Variants in NFIA observed in about 807,000 individuals in gnomAD.
NFIA encodes the protein nuclear factor 1 A-type.
NFIA carries 8 observed loss-of-function variants against 62.8 expected under a neutral mutation model. The observed-to-expected ratio is 0.13, with a 90% confidence interval of 0.07 to 0.23. The LOEUF is 0.23. Ranked by LOEUF, NFIA falls within the 10% of genes least tolerant of loss-of-function variation. NFIA has a pLI of 1.00. For synonymous variants in NFIA, 235 were observed against 238.1 expected (o/e 0.99, Z 0.12); for missense variants, 410 against 642.1 (o/e 0.64, Z 3.91).
upstream of NFIA, among the ~76,000 whole-genome samples, chr1:61,079,656 A>G (rs1378580813): frequency 6.6e-6 from 1 of 152,194 alleles, no homozygotes; most frequent in African/African-American, 2.4e-5. Flanking sequence ...ATATGATTGC[A>G]GTGAACTAGT....
rs1384899481 is a variant in NFIA at position 61,082,788 on chromosome 1, A to G, written c.-4A>G. 3.3e-6 allele frequency: 5 copies of G among 1,530,782 alleles called. 1 individual carries two copies. In the South Asian group the frequency reaches 6.0e-5, roughly 18 times the overall value. 94.8% of individuals were successfully genotyped at this position (1,530,782 alleles called of 1,614,324 possible). On this transcript the variant is annotated 5_prime_UTR_variant, in exon 1 of 11. Transcript: ENST00000403491. ...GCACACGCATACCCCAGCGCCCGGC[A>G]GTTATGTATTCTCCGCTCTGTCTCA...
intron 3 of NFIA, among the ~76,000 whole-genome samples, chr1:61,309,745 T>C (rs1409553509): frequency 6.6e-6 from 1 of 151,988 alleles, no homozygotes; most frequent in Non-Finnish European, 1.5e-5. Context: ...AAAAATTAGC[T>C]GGGTGTGGTG....
In NFIA at chr1:61,212,146, A is replaced by G. The variant is rs569192630; in HGVS notation, c.560-65374A>G. ...GTGATAGCATAGGGGCCTGCTTTTA[A>G]AAGAGGGATAAGCAAGCAAGGAACT... On this transcript the variant is annotated intron_variant, in intron 2 of 10. Coordinates refer to ENST00000403491, the MANE Select transcript of NFIA (RefSeq NM_001134673.4). Among the ~76,000 whole-genome samples, 70 of 152,232 alleles carry G rather than the reference A, an allele frequency of 4.6e-4. 1 individual carries two copies. The South Asian group carries it at 0.013, about 29-fold the overall frequency.
At chr1:61,145,239 TA>T (rs1449672990) in intron 2 of NFIA, among the ~76,000 whole-genome samples, 1 of 152,196 alleles carries the variant, frequency 6.6e-6, no homozygotes, top group Non-Finnish European at 1.5e-5. Flanking sequence ...AACACGAAGC[TA>T]ACATACTGCC....
At chr1:61,399,517 T>G (rs1326034408) in intron 7 of NFIA, among the ~76,000 whole-genome samples, 1 of 152,040 alleles carries the variant, frequency 6.6e-6, no homozygotes. Flanking sequence ...ATAAAACAAT[T>G]AAGGCAATGT....
At chr1:61,294,380 T>C (rs1336024430) in intron 3 of NFIA, among the ~76,000 whole-genome samples, 3 of 152,218 alleles carry the variant, frequency 2.0e-5, no homozygotes, top group Non-Finnish European at 4.4e-5. Flanking sequence ...CTGAGAGCCT[T>C]GATGTTCGGT....
chr1:61,393,969 A>G (rs766793554), intron 7 of NFIA, among the ~76,000 whole-genome samples: 5 of 152,208 alleles, frequency 3.3e-5, no homozygotes, highest in Non-Finnish European at 7.4e-5. Flanking sequence ...ATTGCATTGT[A>G]TAATCCAGAT....
intron 6 of NFIA, among the ~76,000 whole-genome samples, chr1:61,375,948 G>A (rs1569670129): frequency 1.3e-5 from 2 of 152,120 alleles, no homozygotes; most frequent in East Asian, 3.9e-4. Context: ...TCACTCTCCT[G>A]GAACTCACTT....
intron 2 of NFIA, among the ~76,000 whole-genome samples, chr1:61,214,710 T>A (rs1653499017): frequency 6.6e-6 from 1 of 152,212 alleles, no homozygotes; most frequent in Non-Finnish European, 1.5e-5. Flanking sequence ...CTATAATATA[T>A]AGTAGCTAAG....
At chr1:61,358,825 G>C (rs1663122609) in intron 5 of NFIA, among the ~76,000 whole-genome samples, 1 of 89,790 alleles carries the variant, frequency 1.1e-5, no homozygotes, top group African/African-American at 3.9e-5. Context: ...GAAATATGTG[G>C]CCTTACTCCC....
intron 3 of NFIA, among the ~76,000 whole-genome samples, chr1:61,286,888 G>A (rs1448179890): frequency 6.6e-6 from 1 of 152,154 alleles, no homozygotes; most frequent in Non-Finnish European, 1.5e-5. Flanking sequence ...CAGATATTAG[G>A]GACTTTTATT....
At chr1:61,410,695 T>C (rs1211765362) in intron 9 of NFIA, among the ~76,000 whole-genome samples, 3 of 152,080 alleles carry the variant, frequency 2.0e-5, no homozygotes, top group Non-Finnish European at 2.9e-5. Flanking sequence ...TTGCTTGAGC[T>C]CAGGAGTTCG....
At chr1:61,345,558 A>G (rs1662182287) in intron 4 of NFIA, among the ~76,000 whole-genome samples, 1 of 152,136 alleles carries the variant, frequency 6.6e-6, no homozygotes, top group Non-Finnish European at 1.5e-5. Flanking sequence ...CCTGTTAGGA[A>G]CCGGACTGCA....
intron 2 of NFIA, among the ~76,000 whole-genome samples, chr1:61,092,480 A>G (rs771219418): frequency 6.6e-6 from 1 of 152,092 alleles, no homozygotes; most frequent in Non-Finnish European, 1.5e-5. Context: ...TGCATCAGGA[A>G]TAGCAAAGAT....
At chr1:61,232,004 C>T (rs754595732) in intron 2 of NFIA, among the ~76,000 whole-genome samples, 7 of 152,058 alleles carry the variant, frequency 4.6e-5, no homozygotes, top group Non-Finnish European at 8.8e-5. Flanking sequence ...CTGTTAGTGA[C>T]GGGTTTGAGG....
intron 2 of NFIA, among the ~76,000 whole-genome samples, chr1:61,213,769 G>T (rs1435878246): frequency 1.3e-5 from 2 of 152,124 alleles, no homozygotes; most frequent in Non-Finnish European, 2.9e-5. Flanking sequence ...TTGAAATAAT[G>T]GTCAGAGTGC....
chr1:61,448,318 C>T (rs1460027763), intron 10 of NFIA, among the ~76,000 whole-genome samples: 1 of 152,206 alleles, frequency 6.6e-6, no homozygotes, highest in Non-Finnish European at 1.5e-5. Flanking sequence ...TTTATTTTCT[C>T]AAGAACTTTC....
intron 10 of NFIA, among the ~76,000 whole-genome samples, chr1:61,453,443 CTTTTTTTTTT>C (rs11336299): frequency 6.3e-5 from 5 of 78,884 alleles, no homozygotes; most frequent in South Asian, 6.0e-4. Context: ...TGTGAAGAAA[CTTTTTTTTTT>C]TTTTTTTTTT....
intron 2 of NFIA, among the ~76,000 whole-genome samples, chr1:61,136,754 A>G (rs1647199728): frequency 6.6e-6 from 1 of 152,200 alleles, no homozygotes; most frequent in Admixed American, 6.5e-5. Flanking sequence ...AAGTTTTGGC[A>G]GACCTGGGTT....
Sources: allele counts gnomAD v4.1 joint callset (sites outside exome capture counted in the v4.1 genomes callset), GRCh38; gene constraint gnomAD v4.1.1; transcripts MANE v1.5; gene names NCBI Gene and HGNC (gene_info 2026-07-23, HGNC 2026-07-21).